Variants in HEPHL1 observed in about 807,000 individuals in gnomAD.
HEPHL1 encodes ferroxidase HEPHL1.
HEPHL1 carries 123 observed loss-of-function variants against 122.0 expected under a neutral mutation model. The ratio of observed to expected loss-of-function variants is 1.01; its 90% CI spans 0.87 to 1.17. The LOEUF is 1.17. Ranked by LOEUF, HEPHL1 falls within the 50% of genes most tolerant of loss-of-function variation. The pLI is 0.00. For missense variants in HEPHL1, 1,452 were observed against 1,430.5 expected (o/e 1.01, Z -0.24); for synonymous variants, 527 against 508.9 (o/e 1.04, Z -0.48).
intron 1 of HEPHL1, among the ~76,000 whole-genome samples, chr11:94,037,390 C>A (rs973100701): frequency 5.9e-5 from 9 of 151,964 alleles, no homozygotes; most frequent in African/African-American, 2.2e-4. Flanking sequence ...GCCTGCCTGC[C>A]TCTGTAGGCT....
At chr11:94,022,256 T>A (rs899269018) in intron 1 of HEPHL1, among the ~76,000 whole-genome samples, 3 of 152,174 alleles carry the variant, frequency 2.0e-5, no homozygotes, top group African/African-American at 7.2e-5. Context: ...CCATCTAATT[T>A]GTTTCATGGA....
Position 94,063,551 on chromosome 11 carries a change from T to C in HEPHL1, c.459T>C (p.Asp153=). 2 of 1,613,296 alleles carry C rather than the reference T, an allele frequency of 1.2e-6. No homozygotes were observed. The highest frequency in any genetic ancestry group is 1.7e-6 in the Non-Finnish European group (2 of 1,179,600). ...PDGTSGRNKN[D]DMVPPGKNYT... ...GAACATCTGGAAGGAACAAAAATGA[T>C]GACATGGTTCCTCCTGGGAAAAACT... The change falls in exon 3 of 20, where the codon GAT becomes GAC. Residue 153 remains aspartate, a synonymous_variant. Transcript: ENST00000315765.
chr11:94,077,120 G>A lies in HEPHL1; in HGVS notation c.1716+1735G>A, dbSNP rs183900479. Among the ~76,000 whole-genome samples the A allele has an allele frequency of 1.5e-4, 23 of 152,202 alleles. No individual in the cohort carries two copies. The East Asian group carries it at 4.4e-3, about 29-fold the overall frequency. On this transcript the variant is annotated intron_variant, in intron 9 of 19. Transcript: ENST00000315765. ...TATTTTTCTGAACTGTTTGAGAGTA[G>A]GTTGTAGACATAATGTCTTTCAGTG...
chr11:94,052,244 A>C (rs956342138), intron 2 of HEPHL1, among the ~76,000 whole-genome samples: 1 of 152,122 alleles, frequency 6.6e-6, no homozygotes, highest in Admixed American at 6.5e-5. Flanking sequence ...GATTCTTCCA[A>C]TCCATGAACA....
At chr11:94,063,044 G>A (rs1945999380) in intron 2 of HEPHL1, among the ~76,000 whole-genome samples, 1 of 152,150 alleles carries the variant, frequency 6.6e-6, no homozygotes, top group Admixed American at 6.6e-5. Flanking sequence ...GAGGCAGGAA[G>A]AATGTCTTAC....
intron 9 of HEPHL1, among the ~76,000 whole-genome samples, chr11:94,078,721 C>G (rs979797977): frequency 6.6e-6 from 1 of 152,008 alleles, no homozygotes; most frequent in African/African-American, 2.4e-5. Flanking sequence ...GAGAAATTCC[C>G]TCTTATTTAG....
chr11:94,027,332 C>A (rs749099201), intron 1 of HEPHL1, among the ~76,000 whole-genome samples: 6 of 152,088 alleles, frequency 3.9e-5, no homozygotes, highest in Admixed American at 2.6e-4. Context: ...ATGAGGACTG[C>A]GGAGTTATCT....
intron 9 of HEPHL1, among the ~76,000 whole-genome samples, chr11:94,082,176 C>T (rs1470638016): frequency 6.6e-6 from 1 of 152,182 alleles, no homozygotes; most frequent in Non-Finnish European, 1.5e-5. Flanking sequence ...AGTAGAAAGC[C>T]TTCTAAGCAG....
chr11:94,052,952 T>A (rs899015883), intron 2 of HEPHL1, among the ~76,000 whole-genome samples: 2 of 152,114 alleles, frequency 1.3e-5, no homozygotes, highest in Admixed American at 6.6e-5. Flanking sequence ...GATGTTTGTA[T>A]CTGATTTTGT....
At position 94,105,966 on chromosome 11, in the gene HEPHL1, G is replaced by T. The variant is rs759567148; in HGVS notation, c.2906-25G>T. On this transcript the variant is annotated intron_variant, in intron 16 of 19. Transcript: ENST00000315765. Reference sequence around the variant, plus strand: ...CAGCTTATCTTTTAACTAACCAAAGGTTATTTTCTTATCACCTTTTAAAGC... The same window carrying T: ...CAGCTTATCTTTTAACTAACCAAAGTTTATTTTCTTATCACCTTTTAAAGC... The T allele has an allele frequency of 1.3e-5, 19 of 1,516,104 alleles. No individual in the cohort carries two copies. In the Admixed American group the frequency reaches 2.0e-4, roughly 16 times the overall value. 93.9% of individuals were successfully genotyped at this position (1,516,104 alleles called of 1,614,324 possible).
chr11:94,043,725 ACT>A, intron 1 of HEPHL1, among the ~76,000 whole-genome samples: 1 of 151,672 alleles, frequency 6.6e-6, no homozygotes, highest in South Asian at 2.1e-4. Flanking sequence ...TTCTTGAGTA[ACT>A]CTTCATTGTT....
chr11:94,033,586 A>G (rs1435254854), intron 1 of HEPHL1, among the ~76,000 whole-genome samples: 2 of 152,094 alleles, frequency 1.3e-5, no homozygotes, highest in Admixed American at 6.6e-5. Flanking sequence ...ATTACCACCA[A>G]TTAGATTTGG....
intron 17 of HEPHL1, among the ~76,000 whole-genome samples, chr11:94,106,486 G>A (rs968617804): frequency 2.0e-5 from 3 of 151,588 alleles, no homozygotes; most frequent in African/African-American, 7.3e-5. Context: ...TAGTAGAGAC[G>A]GGGTTTCACC....
chr11:94,092,678 A>C (rs1273937622), intron 12 of HEPHL1, among the ~76,000 whole-genome samples: 1 of 152,094 alleles, frequency 6.6e-6, no homozygotes, highest in African/African-American at 2.4e-5. Flanking sequence ...TTGTTCCTGC[A>C]TGAGTTACAG....
intron 5 of HEPHL1, among the ~76,000 whole-genome samples, chr11:94,069,203 C>T (rs1207023422): frequency 4.6e-5 from 7 of 152,268 alleles, no homozygotes; most frequent in African/African-American, 1.4e-4. Flanking sequence ...AGTATTTATA[C>T]GTTCCCTGAA....
At chr11:94,077,199 G>A (rs762733161) in intron 9 of HEPHL1, among the ~76,000 whole-genome samples, 16 of 152,188 alleles carry the variant, frequency 1.1e-4, no homozygotes, top group East Asian at 1.9e-4. Flanking sequence ...AAAATTATCT[G>A]AGTCAGAAAA....
Position 94,063,656 on chromosome 11 carries a change from G to A in HEPHL1, c.564G>A (p.Ser188=), listed in dbSNP as rs375814141. 1.6e-5 allele frequency: 26 copies of A among 1,613,676 alleles called. No homozygotes were observed. The highest frequency in any genetic ancestry group is 4.0e-5 in the African/African-American group (3 of 74,870). ...DANCLTWVYH[S]HIDAPKDICS... The stretch of plus-strand genomic sequence containing the variant: ...ACTGCCTGACCTGGGTGTACCATTC[G>A]CACATCGACGCCCCAAAGGACATCT... The change falls in exon 3 of 20, where the codon TCG becomes TCA. Residue 188 remains serine, a synonymous_variant. Coordinates refer to ENST00000315765, the MANE Select transcript of HEPHL1 (RefSeq NM_001098672.2).
chr11:94,099,276 C>T (rs559844596), intron 13 of HEPHL1, among the ~76,000 whole-genome samples: 12 of 152,226 alleles, frequency 7.9e-5, no homozygotes, highest in Non-Finnish European at 1.8e-4. Flanking sequence ...GCTGGAGGTC[C>T]ACTCTGGACC....
chr11:94,023,269 G>A (rs1945596637), intron 1 of HEPHL1, among the ~76,000 whole-genome samples: 1 of 152,118 alleles, frequency 6.6e-6, no homozygotes, highest in Non-Finnish European at 1.5e-5. Context: ...TTTGAGGGAA[G>A]CCAAGGATCA....
Sources: allele counts gnomAD v4.1 joint callset (sites outside exome capture counted in the v4.1 genomes callset), GRCh38; gene constraint gnomAD v4.1.1; transcripts MANE v1.5; gene names NCBI Gene and HGNC (gene_info 2026-07-23, HGNC 2026-07-21).